LRFN5: variants seen among roughly 807,000 people sequenced by gnomAD.
The protein encoded by LRFN5 is leucine-rich repeat and fibronectin type-III domain-containing protein 5.
In LRFN5, 24 loss-of-function variants were observed where a neutral mutation model predicts 45.6. The observed-to-expected ratio is 0.53, with a 90% CI of 0.38 to 0.74. The LOEUF (loss-of-function observed/expected upper bound fraction) is 0.74. Ranked by LOEUF, LRFN5 falls within the 30% of genes least tolerant of loss-of-function variation. LRFN5 has a pLI of 0.00. For synonymous variants in LRFN5, 340 were observed against 313.8 expected (o/e 1.08, Z -0.88); for missense variants, 776 against 861.5 (o/e 0.90, Z 1.24).
intron 1 of LRFN5, among the ~76,000 whole-genome samples, chr14:41,668,560 C>T (rs1462347771): frequency 3.9e-5 from 6 of 152,096 alleles, no homozygotes; most frequent in Non-Finnish European, 5.9e-5. Flanking sequence ...CAGTTTCAAA[C>T]AACATCTGCT....
At chr14:41,857,039 GTTTTATT>G (rs1889497021) in intron 2 of LRFN5, among the ~76,000 whole-genome samples, 1 of 151,920 alleles carries the variant, frequency 6.6e-6, no homozygotes, top group African/African-American at 2.4e-5. Context: ...TTTAAGTGTT[GTTTTATT>G]TTCACAACAA....
intron 1 of LRFN5, among the ~76,000 whole-genome samples, chr14:41,704,448 C>CTCTCTGTGTGTGTGTGTGTG (rs200253065): frequency 1.9e-4 from 23 of 124,296 alleles, no homozygotes; most frequent in African/African-American, 7.3e-4. Context: ...CTCTCTCTCT[C>CTCTCTGTGTGTGTGTGTGTG]TGTGTGTGTG....
intron 1 of LRFN5, among the ~76,000 whole-genome samples, chr14:41,752,713 G>A (rs1272796884): frequency 6.6e-6 from 1 of 152,106 alleles, no homozygotes; most frequent in Admixed American, 6.5e-5. Context: ...CATTCTGTAG[G>A]TTGCCTGTTC....
chr14:41,797,713 A>G (rs182923032), intron 2 of LRFN5, among the ~76,000 whole-genome samples: 110 of 151,772 alleles, frequency 7.2e-4, no homozygotes, highest in African/African-American at 2.4e-3. Context: ...ATATTTATCT[A>G]CCCATCTGTC....
At chr14:41,863,333 T>A (rs1453273380) in intron 2 of LRFN5, among the ~76,000 whole-genome samples, 1 of 152,258 alleles carries the variant, frequency 6.6e-6, no homozygotes, top group East Asian at 1.9e-4. Context: ...TTTGTTGTTC[T>A]CTTTAAAACA....
intron 2 of LRFN5, among the ~76,000 whole-genome samples, chr14:41,792,647 C>T (rs1002751992): frequency 5.3e-5 from 8 of 152,108 alleles, no homozygotes; most frequent in African/African-American, 1.7e-4. Flanking sequence ...AAATATGGCT[C>T]TTTTTGCCTG....
intron 2 of LRFN5, among the ~76,000 whole-genome samples, chr14:41,770,536 G>T (rs975450056): frequency 6.6e-6 from 1 of 152,142 alleles, no homozygotes; most frequent in Non-Finnish European, 1.5e-5. Context: ...AAAGCAAGGG[G>T]TAATAGACCC....
In LRFN5 at chr14:41,644,655, G is replaced by T. The variant is rs1879729843; in HGVS notation, c.-197+36093G>T. ...TTGAATTAAACCCTGTGATAAAAAA[G>T]GAATCAAGGCTTATCCTAAGAAAAT... On this transcript the variant is annotated intron_variant, in intron 1 of 5. Coordinates refer to ENST00000298119, the MANE Select transcript of LRFN5 (RefSeq NM_152447.5). Among the ~76,000 whole-genome samples the T allele has an allele frequency of 2.6e-5, 4 of 152,074 alleles. No individual in the cohort carries two copies. In the South Asian group the frequency reaches 8.3e-4, roughly 32 times the overall value.
intron 1 of LRFN5, among the ~76,000 whole-genome samples, chr14:41,693,142 G>A (rs1882455328): frequency 6.6e-6 from 1 of 151,970 alleles, no homozygotes; most frequent in South Asian, 2.1e-4. Flanking sequence ...TTTAAGTGTA[G>A]AGCAAGTCTT....
intron 2 of LRFN5, among the ~76,000 whole-genome samples, chr14:41,788,997 T>A (rs1422168486): frequency 6.6e-6 from 1 of 152,018 alleles, no homozygotes; most frequent in East Asian, 1.9e-4. Context: ...CTTTCTAATT[T>A]TTCTTTAAAA....
At position 41,859,553 on chromosome 14, in the gene LRFN5, G is replaced by C. The variant is rs1451362075; in HGVS notation, c.-20-27053G>C. Among the ~76,000 whole-genome samples the C allele has an allele frequency of 2.0e-5, 3 of 152,182 alleles. No individual in the cohort carries two copies. The East Asian group carries it at 5.8e-4, about 29-fold the overall frequency. On this transcript the variant is annotated intron_variant, in intron 2 of 5. Transcript: ENST00000298119. ...TTACAAATATCTATTGTGTAACCCAGAGGGGGAAGCTTTCAGCGGTCACTG... is the reference window on the plus strand; with the variant it reads ...TTACAAATATCTATTGTGTAACCCACAGGGGGAAGCTTTCAGCGGTCACTG...
intron 1 of LRFN5, among the ~76,000 whole-genome samples, chr14:41,645,599 T>C (rs1020472015): frequency 1.5e-4 from 23 of 152,238 alleles, no homozygotes; most frequent in African/African-American, 4.8e-4. Context: ...TCAAAAGGAC[T>C]GTCTCTCTCA....
chr14:41,881,121 A>G (rs1401121742), intron 2 of LRFN5, among the ~76,000 whole-genome samples: 1 of 152,050 alleles, frequency 6.6e-6, no homozygotes, highest in Non-Finnish European at 1.5e-5. Context: ...GTAGTTTAGG[A>G]TTAAGTCTAC....
At chr14:41,728,496 A>AT (rs1884030477) in intron 1 of LRFN5, among the ~76,000 whole-genome samples, 1 of 152,170 alleles carries the variant, frequency 6.6e-6, no homozygotes, top group Admixed American at 6.6e-5. Context: ...AATAAAGCAA[A>AT]TTGAAACCAT....
At chr14:41,719,317 T>C (rs1883618715) in intron 1 of LRFN5, among the ~76,000 whole-genome samples, 1 of 152,126 alleles carries the variant, frequency 6.6e-6, no homozygotes, top group South Asian at 2.1e-4. Context: ...AAGTAAGTGG[T>C]TTATTATTTT....
Position 41,896,874 on chromosome 14 carries a change from C to T in LRFN5, c.2099-2043C>T, listed in dbSNP as rs527659371. Among the ~76,000 whole-genome samples, 9 of 151,974 alleles carry T rather than the reference C, an allele frequency of 5.9e-5. No individual in the cohort carries two copies. The South Asian group carries it at 1.2e-3, about 21-fold the overall frequency. ...TTGGGATGCCAAGGCAGGCAGATCA[C>T]GAGGTCAGGAGATCGAGACCATCCT... On this transcript the variant is annotated intron_variant, in intron 4 of 5. Coordinates refer to ENST00000298119, the MANE Select transcript of LRFN5 (RefSeq NM_152447.5).
At chr14:41,838,434 A>T (rs1888740267) in intron 2 of LRFN5, among the ~76,000 whole-genome samples, 1 of 152,174 alleles carries the variant, frequency 6.6e-6, no homozygotes, top group Admixed American at 6.5e-5. Context: ...ACCCTTCTGC[A>T]GTATCTGCCC....
intron 1 of LRFN5, among the ~76,000 whole-genome samples, chr14:41,639,585 G>A (rs1879468191): frequency 6.6e-6 from 1 of 152,044 alleles, no homozygotes; most frequent in African/African-American, 2.4e-5. Context: ...GGATCAATGT[G>A]AGGAAGAAAA....
At chr14:41,688,980 A>T (rs1012382225) in intron 1 of LRFN5, among the ~76,000 whole-genome samples, 3 of 151,728 alleles carry the variant, frequency 2.0e-5, no homozygotes, top group African/African-American at 7.3e-5. Flanking sequence ...TTGGAGTCCC[A>T]GCTACTTAGG....
Sources: allele counts gnomAD v4.1 joint callset (sites outside exome capture counted in the v4.1 genomes callset), GRCh38; gene constraint gnomAD v4.1.1; transcripts MANE v1.5; gene names NCBI Gene and HGNC (gene_info 2026-07-23, HGNC 2026-07-21).